TCERG1: variants seen among roughly 807,000 people sequenced by gnomAD.
TCERG1 encodes TATA box binding protein (TBP)-associated factor, RNA polymerase II, S, 150kD.
Under a neutral mutation model 144.7 loss-of-function variants are expected in TCERG1, and 37 were observed. That is an observed-to-expected ratio of 0.26 (90% CI 0.20 to 0.34). The LOEUF is 0.34. TCERG1 is among the 10% of genes least tolerant of loss of function. The pLI is 1.00. For missense variants in TCERG1, 1,027 were observed against 1,380.7 expected (o/e 0.74, Z 4.06); for synonymous variants, 492 against 458.2 (o/e 1.07, Z -0.94).
At chr5:146,481,541 C>G (rs1014091260) in intron 13 of TCERG1, 1 of 152,086 alleles carries the variant, frequency 6.6e-6, no homozygotes, top group East Asian at 1.9e-4. Flanking sequence ...CTCTCACTTG[C>G]ATTTGTGGGT....
At position 146,455,111 on chromosome 5, in the gene TCERG1, G is replaced by C; in HGVS notation, c.115G>C (p.Val39Leu). 1.9e-6 allele frequency: 3 copies of C among 1,614,220 alleles called. No homozygotes were observed. The highest frequency in any genetic ancestry group is 2.5e-6 in the Non-Finnish European group (3 of 1,180,044). The change falls in exon 2 of 23, where the codon GTG becomes CTG. Residue 39 changes from valine (V) to leucine (L), a missense_variant. Physicochemically the swap from Val to Leu is conservative, Grantham distance 32. Around this residue, in one of 6 missense-constraint regions of TCERG1, gnomAD observed 175 missense variants for 197.0 expected, o/e 0.89. Transcript: ENST00000679501. ...AGGTCCGGCTCCCCCACCAAATGCA[G>C]TGATGCGAGGCCCACCACCTCTGAT... ...FRGPAPPPNA[V>L]MRGPPPLMRP... is the part of the protein sequence containing the mutation.
rs76785036 is a variant in TCERG1, at chr5:146,472,418, T to G, written c.1601+842T>G. 5.9e-5 allele frequency among the ~76,000 whole-genome samples: 9 copies of G among 152,306 alleles called. No homozygotes were observed. In the East Asian group the frequency reaches 1.7e-3, roughly 29 times the overall value. ...AATTCTTGGGATATTTCAAACTTTTTCATTATTTTTATATCTGTTACAGTG... is the reference window on the plus strand; with the variant it reads ...AATTCTTGGGATATTTCAAACTTTTGCATTATTTTTATATCTGTTACAGTG... On this transcript the variant is annotated intron_variant, in intron 9 of 22. Coordinates refer to ENST00000679501, the MANE Select transcript of TCERG1 (RefSeq NM_001382548.1).
chr5:146,503,293 T>C (rs1487184450), intron 17 of TCERG1, 82 bp from the exon 18 acceptor site: 2 of 1,360,456 alleles, frequency 1.5e-6, no homozygotes, highest in African/African-American at 2.9e-5. Context: ...ACTTTTTTTC[T>C]AGTTGTAAAT....
intron 16 of TCERG1, among the ~76,000 whole-genome samples, chr5:146,496,425 C>G (rs1252123798): frequency 6.6e-6 from 1 of 152,126 alleles, no homozygotes; most frequent in African/African-American, 2.4e-5. Flanking sequence ...TCCCCTACCT[C>G]AGTCTTTTTT....
chr5:146,492,677 A>G (rs1766539387), intron 15 of TCERG1, among the ~76,000 whole-genome samples: 1 of 152,164 alleles, frequency 6.6e-6, no homozygotes, highest in Non-Finnish European at 1.5e-5. Flanking sequence ...TAATCGGGAA[A>G]AAAATTAAAG....
chr5:146,458,917 G>T lies in TCERG1; in HGVS notation c.472G>T (p.Ala158Ser). The change falls in exon 4 of 23, where the codon GCA (alanine) becomes TCA (serine). Residue 158 changes from alanine to serine, a missense_variant. Physicochemically the swap from Ala to Ser is moderately conservative, Grantham distance 99 (BLOSUM62 1). Transcript: ENST00000679501. ...TTATAATGCTCGGACACGTGAATCT[G>T]CATGGACCAAGCCAGATGGAGTTAA... ...YYYNARTRESAWTKPDGVKVI... is the reference protein window; with the variant it reads ...YYYNARTRESSWTKPDGVKVI... The T allele has an allele frequency of 6.2e-7, 1 of 1,613,928 alleles. No individual in the cohort carries two copies. Among genetic ancestry groups the T allele is most frequent in the Non-Finnish European group, 8.5e-7 (1 of 1,179,836 alleles).
chr5:146,455,002 C>T (rs1762705134), intron 1 of TCERG1, 54 bp from the exon 2 acceptor site: 1 of 1,579,840 alleles, frequency 6.3e-7, no homozygotes, highest in African/African-American at 1.3e-5. Context: ...AGATCAGTAG[C>T]TACATTTTTG....
intron 9 of TCERG1, among the ~76,000 whole-genome samples, chr5:146,472,659 T>G (rs1436307832): frequency 1.3e-5 from 2 of 151,594 alleles, no homozygotes; most frequent in South Asian, 2.1e-4. Flanking sequence ...TATAATGCCC[T>G]CAAAGTGTTC....
intron 5 of TCERG1, among the ~76,000 whole-genome samples, chr5:146,467,926 C>T (rs116624630): frequency 2.0e-4 from 31 of 152,218 alleles, no homozygotes; most frequent in Non-Finnish European, 3.5e-4. Flanking sequence ...TTCAACTTAG[C>T]GGCAGCATAG....
chr5:146,504,978 G>A (rs924785271), intron 19 of TCERG1, among the ~76,000 whole-genome samples: 5 of 151,874 alleles, frequency 3.3e-5, no homozygotes, highest in Non-Finnish European at 7.4e-5. Flanking sequence ...CCTGGGAGGC[G>A]GAGGCTGCCG....
At chr5:146,463,895 C>T (rs752831544) in intron 5 of TCERG1, 102 bp downstream of exon 5, 17 of 1,500,282 alleles carry the variant, frequency 1.1e-5, no homozygotes, top group Non-Finnish European at 1.5e-5. Flanking sequence ...TTGAATCTCA[C>T]CTGTTTGAAA....
chr5:146,476,630 G>T (rs1469500517), intron 9 of TCERG1, among the ~76,000 whole-genome samples: 1 of 152,048 alleles, frequency 6.6e-6, no homozygotes, highest in Admixed American at 6.5e-5. Flanking sequence ...TATATTCCTG[G>T]GTTGTGGTTT....
chr5:146,492,262 T>A (rs1258631909), intron 15 of TCERG1, among the ~76,000 whole-genome samples: 1 of 152,244 alleles, frequency 6.6e-6, no homozygotes, highest in Non-Finnish European at 1.5e-5. Context: ...GTTGCCTCTT[T>A]GTTTTTCTTG....
rs767712395 is a variant in TCERG1 at position 146,469,561 on chromosome 5, G to A, written c.1216G>A (p.Ala406Thr). ...TTTTTTAGGTGTATTGCCAGGAATG[G>A]CCCCTCCTATCGTACCCATGATACA... Reference protein sequence around the residue: ...TTKTGVLPGMAPPIVPMIHPQ... With the variant: ...TTKTGVLPGMTPPIVPMIHPQ... The change falls in exon 7 of 23, where the codon GCC becomes ACC. Residue 406 changes from alanine to threonine, a missense_variant. Ala to Thr is a moderately conservative substitution (Grantham distance 58). Around this residue, in one of 6 missense-constraint regions of TCERG1, gnomAD observed 482 missense variants for 632.6 expected, o/e 0.76. Coordinates refer to ENST00000679501, the MANE Select transcript of TCERG1 (RefSeq NM_001382548.1). 6.2e-7 allele frequency: 1 copy of A among 1,601,508 alleles called. No homozygotes were observed.
chr5:146,459,093 G>GGCCCAGGCCCAT lies in TCERG1; in HGVS notation c.659_660insTGCCCAGGCCCA (p.Ala219_Gln220insHisAlaGlnAla). 1 of 1,559,934 alleles carries GGCCCAGGCCCAT rather than the reference G, an allele frequency of 6.4e-7. No homozygotes were observed. Among genetic ancestry groups the GGCCCAGGCCCAT allele is most frequent in the Non-Finnish European group, 8.8e-7 (1 of 1,137,398 alleles). On this transcript the variant is annotated inframe_insertion, in exon 4 of 23. Coordinates refer to ENST00000679501, the MANE Select transcript of TCERG1 (RefSeq NM_001382548.1). ...AGGCTCAGGCCCAGGCCCAGGCCCA[G>GGCCCAGGCCCAT]GCCCAGGCCCAGGCCCAAGCCCAAG...
chr5:146,498,451 T>G (rs1767136354), intron 16 of TCERG1, 85 bp from the exon 17 acceptor site: 2 of 1,423,894 alleles, frequency 1.4e-6, no homozygotes, highest in African/African-American at 1.4e-5. Context: ...TCATATACTC[T>G]TGTTGGAAAA....
intron 17 of TCERG1, chr5:146,499,971 G>A (rs1471899297): frequency 1.3e-5 from 2 of 151,842 alleles, no homozygotes; most frequent in Non-Finnish European, 2.9e-5. Flanking sequence ...CCCGAGTTCC[G>A]GTACTTTACA....
chr5:146,510,901 A>C lies in TCERG1; in HGVS notation c.*259A>C. 3.5e-6 allele frequency: 1 copy of C among 289,348 alleles called. No homozygotes were observed. Among genetic ancestry groups the C allele is most frequent in the Non-Finnish European group, 6.4e-6 (1 of 156,296 alleles). 17.9% of individuals were successfully genotyped at this position (289,348 alleles called of 1,614,324 possible). On this transcript the variant is annotated 3_prime_UTR_variant, in exon 23 of 23. Transcript: ENST00000679501. ...TCTTGAAGCTAAAATTCATCCTTTT[A>C]TGAGGTGTGGAAGTCAGTGACTTGG...
intron 8 of TCERG1, among the ~76,000 whole-genome samples, 170 bp from the exon 9 acceptor site, chr5:146,471,318 G>C (rs954445873): frequency 6.6e-6 from 1 of 152,202 alleles, no homozygotes; most frequent in Non-Finnish European, 1.5e-5. Context: ...GTGAAATTCA[G>C]CTCTTTCTGG....
Sources: allele counts gnomAD v4.1 joint callset (sites outside exome capture counted in the v4.1 genomes callset), GRCh38; gene constraint gnomAD v4.1.1; regional missense constraint gnomAD v4.1.1; transcripts MANE v1.5; gene names NCBI Gene and HGNC (gene_info 2026-07-23, HGNC 2026-07-21).